COL6A1: variants seen among roughly 807,000 people sequenced by gnomAD.
COL6A1 encodes collagen alpha-1(VI) chain.
A neutral mutation model predicts 145.6 loss-of-function variants in COL6A1; 80 were observed. That is an observed-to-expected ratio of 0.55 (90% CI 0.46 to 0.66). The LOEUF is 0.66. Ranked by LOEUF, COL6A1 falls within the 30% of genes least tolerant of loss-of-function variation. The pLI, the probability that COL6A1 is intolerant of heterozygous loss-of-function variation, is 0.00. For synonymous variants in COL6A1, 638 were observed against 622.8 expected, an observed-to-expected ratio of 1.02 and a Z score of -0.36; for missense variants, 1,364 against 1,473.8, an observed-to-expected ratio of 0.93 and a Z score of 1.22.
intron 3 of COL6A1, among the ~76,000 whole-genome samples, chr21:45,985,039 CAG>C (rs1569517769): frequency 6.8e-6 from 1 of 146,564 alleles, no homozygotes; most frequent in African/African-American, 2.6e-5. Context: ...GAAGCAGAGA[CAG>C]AGAAACAAAG....
At chr21:45,998,302 G>A (rs1392647053) in intron 23 of COL6A1, 96 bp from the exon 24 acceptor site, 15 of 1,588,418 alleles carry the variant, frequency 9.4e-6, no homozygotes, top group African/African-American at 5.4e-5. Context: ...TTCCATGGCC[G>A]GGATTCTGTC....
intron 23 of COL6A1, 98 bp from the exon 24 acceptor site, chr21:45,998,300 C>T: frequency 8.2e-6 from 13 of 1,588,624 alleles, no homozygotes; most frequent in Non-Finnish European, 1.1e-5. Context: ...AATTCCATGG[C>T]CGGGATTCTG....
rs886043106 is a variant in COL6A1 at position 45,989,112 on chromosome 21, G to C, written c.833G>C (p.Gly278Ala). ...GAACGAGGCAAGCCGGGGCTCCCAG[G>C]AGAGAAGGGAGAAGCCGGAGATCCT... ...EGERGKPGLP[G>A]EKGEAGDPGR... Residue 278 changes from glycine (G) to alanine (A), a missense_variant, in exon 9 of 35, where the codon GGA becomes GCA. By Grantham distance (60) the Gly-to-Ala change is moderately conservative. Transcript: ENST00000361866. 6.2e-7 allele frequency: 1 copy of C among 1,611,088 alleles called. No individual in the cohort carries two copies. Among genetic ancestry groups the C allele is most frequent in the Non-Finnish European group, 8.5e-7 (1 of 1,178,908 alleles).
chr21:45,984,095 G>A lies in COL6A1; in HGVS notation c.228-174G>A, dbSNP rs1309587442. On this transcript the variant is annotated intron_variant, in intron 2 of 34. Coordinates refer to ENST00000361866, the MANE Select transcript of COL6A1 (RefSeq NM_001848.3). ...CGCAGGTCGCTTGCTGGCCACACCC[G>A]CCTGCACAGCCTTCCAGGAGGGCCG... 5.3e-5 allele frequency among the ~76,000 whole-genome samples: 8 copies of A among 152,334 alleles called. No homozygotes were observed. In the South Asian group the frequency reaches 1.0e-3, roughly 20 times the overall value.
rs778234022 is a variant in COL6A1 at position 45,992,805 on chromosome 21, G to C, written c.1330G>C (p.Asp444His). 1 of 1,597,564 alleles carries C rather than the reference G, an allele frequency of 6.3e-7. No individual in the cohort carries two copies. Among genetic ancestry groups the C allele is most frequent in the East Asian group, 2.3e-5 (1 of 44,414 alleles). The change falls in exon 19 of 35, where the codon GAC becomes CAC. Residue 444 changes from aspartate to histidine, a missense_variant. This residue lies in a region of COL6A1 where 938 missense variants were observed against 1,003.8 expected (regional missense o/e 0.93). Transcript: ENST00000361866. ...GTPGTRGPRG[D>H]PGEAGPQGDQ... ...CCCAGGCACGCGGGGACCAAGAGGA[G>C]ACCCTGTGAGTCACAGTTCCTGGAG...
rs376726434 is a variant in COL6A1, at chr21:45,999,236, G to T, written c.1740+18G>T. 2.5e-4 allele frequency: 389 copies of T among 1,582,746 alleles called. No homozygotes were observed. The African/African-American group carries it at 4.7e-3, about 19-fold the overall frequency. On this transcript the variant is annotated intron_variant, in intron 26 of 34. Coordinates refer to ENST00000361866, the MANE Select transcript of COL6A1 (RefSeq NM_001848.3). ...GCCCCCAGGTGGGTGGATGTGGCTG[G>T]GTGAGGCCACGGTGGGCTGTGCCTG...
Position 45,989,744 on chromosome 21 carries a change from G to A in COL6A1, c.904-8G>A. 1 of 1,613,052 alleles carries A rather than the reference G, an allele frequency of 6.2e-7. No individual in the cohort carries two copies. The highest frequency in any genetic ancestry group is 8.5e-7 in the Non-Finnish European group (1 of 1,180,012). On this transcript the variant is annotated splice_region_variant and splice_polypyrimidine_tract_variant and intron_variant, in intron 10 of 34. Coordinates refer to ENST00000361866, the MANE Select transcript of COL6A1 (RefSeq NM_001848.3). ...CTTCCTCTTCCTCTTCTTCCGCTGG[G>A]TGTGTAGGGAGAAAAAGGGAGCCGT...
rs1218916374 is a variant in COL6A1 at position 45,992,156 on chromosome 21, C to G, written c.1183-8C>G. The G allele has an allele frequency of 6.2e-7, 1 of 1,613,510 alleles. No individual in the cohort carries two copies. Among genetic ancestry groups the G allele is most frequent in the Non-Finnish European group, 8.5e-7 (1 of 1,179,992 alleles). ...ATGGAGCGACCATTCAACCCTTGTT[C>G]CCCACAGGGCCAGCCGGGAGAGCCT... On this transcript the variant is annotated splice_region_variant and splice_polypyrimidine_tract_variant and intron_variant, in intron 16 of 34. Coordinates refer to ENST00000361866, the MANE Select transcript of COL6A1 (RefSeq NM_001848.3).
chr21:45,984,593 C>G, intron 3 of COL6A1, 124 bp downstream of exon 3: 1 of 899,916 alleles, frequency 1.1e-6, no homozygotes, highest in East Asian at 2.6e-5. Context: ...GGAGGCTGCA[C>G]GGCCTCCCTG....
chr21:46,003,899 G>A lies in COL6A1; in HGVS notation c.2973G>A (p.Thr991=), dbSNP rs774709990. ...PHIRVLVTGK[T]AEYDVAYGES... is the part of the protein sequence containing the mutation. ...TCCGCGTCCTGGTCACCGGCAAGACGGCCGAGTACGACGTGGCCTACGGCG... is the reference window on the plus strand; with the variant it reads ...TCCGCGTCCTGGTCACCGGCAAGACAGCCGAGTACGACGTGGCCTACGGCG... The change falls in exon 35 of 35, where the codon ACG becomes ACA. Residue 991 remains threonine (T), a synonymous_variant. Coordinates refer to ENST00000361866, the MANE Select transcript of COL6A1 (RefSeq NM_001848.3). The A allele has an allele frequency of 1.6e-5, 26 of 1,602,468 alleles. No homozygotes were observed. The highest frequency in any genetic ancestry group is 1.7e-4 in the Middle Eastern group (1 of 6,056).
chr21:45,984,296 G>A lies in COL6A1; in HGVS notation c.255G>A (p.Val85=), dbSNP rs1417921451. ...DRYYRCDRNL[V]WNAGALHYSD... ...ACTACCGCTGTGACCGAAACCTGGT[G>A]TGGAACGCAGGCGCGCTGCACTACA... The change falls in exon 3 of 35, where the codon GTG becomes GTA. Residue 85 remains valine (V), a synonymous_variant. Transcript: ENST00000361866. 2 of 1,610,612 alleles carry A rather than the reference G, an allele frequency of 1.2e-6. No individual in the cohort carries two copies. The highest frequency in any genetic ancestry group is 2.2e-5 in the East Asian group (1 of 44,790).
rs147254033 is a variant in COL6A1, at chr21:46,004,457, C to T, written c.*444C>T. On this transcript the variant is annotated 3_prime_UTR_variant, in exon 35 of 35. Coordinates refer to ENST00000361866, the MANE Select transcript of COL6A1 (RefSeq NM_001848.3). ...ATCCCACCAGCCTGAGCAAGACGCCCTCTCGGGGCCTGTGCCGCACTAGCC... is the reference window on the plus strand; with the variant it reads ...ATCCCACCAGCCTGAGCAAGACGCCTTCTCGGGGCCTGTGCCGCACTAGCC... The T allele has an allele frequency of 6.0e-5, 19 of 317,030 alleles. No individual in the cohort carries two copies. The East Asian group carries it at 1.7e-3, about 29-fold the overall frequency. 19.6% of individuals were successfully genotyped at this position (317,030 alleles called of 1,614,324 possible). A position where few individuals can be genotyped will look rare whatever the true frequency, so the allele number is the denominator to read the frequency against.
intron 2 of COL6A1, among the ~76,000 whole-genome samples, 180 bp from the exon 3 acceptor site, chr21:45,984,089 A>C (rs1024057617): frequency 6.6e-6 from 1 of 152,162 alleles, no homozygotes; most frequent in Non-Finnish European, 1.5e-5. Flanking sequence ...CTTGCTGGCC[A>C]CACCCGCCTG....
At position 46,000,812 on chromosome 21, in the gene COL6A1, C is replaced by A. The variant is rs7276098; in HGVS notation, c.1822+45C>A. 6.2e-7 allele frequency: 1 copy of A among 1,612,266 alleles called. No homozygotes were observed. ...TCCTGAGAGAATGGATCCCGGGGGT[C>A]GGGGAGCGAGGCCTGGGTCCCACAC... is the stretch of plus-strand genomic sequence containing the variant. On this transcript the variant is annotated intron_variant, in intron 29 of 34. Coordinates refer to ENST00000361866, the MANE Select transcript of COL6A1 (RefSeq NM_001848.3).
chr21:45,986,399 G>A, intron 3 of COL6A1, 127 bp from the exon 4 acceptor site: 1 of 885,254 alleles, frequency 1.1e-6, no homozygotes, highest in Non-Finnish European at 1.8e-6. Context: ...CCACCGTATA[G>A]CCAGGATCAG....
chr21:45,983,700 C>T (rs1390152610), intron 2 of COL6A1, among the ~76,000 whole-genome samples: 1 of 152,156 alleles, frequency 6.6e-6, no homozygotes, highest in African/African-American at 2.4e-5. Flanking sequence ...GAGGGGCGGC[C>T]GCGTGGCCCA....
rs1010232525 is a variant in COL6A1 at position 45,986,448 on chromosome 21, C to T, written c.429-78C>T. 4 of 1,439,526 alleles carry T rather than the reference C, an allele frequency of 2.8e-6. No homozygotes were observed. The African/African-American group carries it at 4.2e-5, about 15-fold the overall frequency. 89.2% of individuals were successfully genotyped at this position (1,439,526 alleles called of 1,614,324 possible). A position where few individuals can be genotyped will look rare whatever the true frequency, so the allele number is the denominator to read the frequency against. Reference sequence around the variant, plus strand: ...CTCCTCCCGGTGAGACAGGGACCAGCACCTCCCGGACAGGCTTGGGTCTCC... The same window carrying T: ...CTCCTCCCGGTGAGACAGGGACCAGTACCTCCCGGACAGGCTTGGGTCTCC... On this transcript the variant is annotated intron_variant, in intron 3 of 34. Transcript: ENST00000361866.
At chr21:45,992,929 G>T (rs2077785177) in intron 19 of COL6A1, 119 bp downstream of exon 19, 1 of 878,980 alleles carries the variant, frequency 1.1e-6, no homozygotes, top group Non-Finnish European at 1.8e-6. Flanking sequence ...CCCTCAACGT[G>T]GCCAGCCCAT....
intron 17 of COL6A1, 29 bp downstream of exon 17, chr21:45,992,246 G>A (rs112914594): frequency 6.2e-7 from 1 of 1,613,562 alleles, no homozygotes; most frequent in Non-Finnish European, 8.5e-7. Context: ...CACCTTCCTG[G>A]GGAAGTGCAT....
Sources: gnomAD v4.1 joint callset for allele counts (sites outside exome capture counted in the v4.1 genomes callset) on GRCh38, gnomAD v4.1.1 for gene constraint, gnomAD v4.1.1 regional missense constraint, MANE v1.5 for transcripts, NCBI Gene and HGNC (gene_info 2026-07-23, HGNC 2026-07-21) for gene names.